Variants in SH3TC1 observed in about 807,000 individuals in gnomAD.
SH3TC1 encodes SH3 domain and tetratricopeptide repeat-containing protein 1.
A neutral mutation model predicts 117.3 loss-of-function variants in SH3TC1; 135 were observed. The observed-to-expected ratio is 1.15, with a 90% CI of 1.00 to 1.33. The LOEUF (loss-of-function observed/expected upper bound fraction) is 1.33. Ranked by LOEUF, SH3TC1 falls within the 40% of genes most tolerant of loss-of-function variation. The probability of loss-of-function intolerance (pLI) is 0.00; values close to 1 mark genes in which losing one functional copy is unlikely to be tolerated. For missense variants in SH3TC1, 2,092 were observed against 1,794.3 expected, an observed-to-expected ratio of 1.17 and a Z score of -3.00; for synonymous variants, 898 against 816.9, an observed-to-expected ratio of 1.10 and a Z score of -1.69.
At chr4:8,208,369 C>CTTTTTTTT (rs151217437) in intron 2 of SH3TC1, among the ~76,000 whole-genome samples, 1 of 140,730 alleles carries the variant, frequency 7.1e-6, no homozygotes. Context: ...ACATTTCTTT[C>CTTTTTTTT]TTTTTTTTTA....
chr4:8,218,395 G>T, intron 8 of SH3TC1, 48 bp downstream of exon 8: 1 of 1,429,826 alleles, frequency 7.0e-7, no homozygotes, highest in South Asian at 1.2e-5. Context: ...GTGTGTGCTA[G>T]GGAGCAGCAC....
At chr4:8,187,540 T>G (rs1717264757) in intron 1 of SH3TC1, among the ~76,000 whole-genome samples, 1 of 151,644 alleles carries the variant, frequency 6.6e-6, no homozygotes, top group African/African-American at 2.4e-5. Context: ...TACATATTTG[T>G]TTTCTTTTCT....
intron 5 of SH3TC1, among the ~76,000 whole-genome samples, chr4:8,215,640 G>A (rs895984058): frequency 7.9e-5 from 12 of 152,174 alleles, no homozygotes; most frequent in African/African-American, 2.7e-4. Context: ...TGCGGTGAAC[G>A]AAGGCTCACT....
intron 3 of SH3TC1, 150 bp from the exon 4 acceptor site, chr4:8,212,551 C>A: frequency 1.8e-6 from 2 of 1,085,766 alleles, no homozygotes; most frequent in Non-Finnish European, 1.3e-6. Context: ...AGGTTGAGAT[C>A]TAAACCCGGG....
chr4:8,238,920 CTTCCCACAGGGAGGCCCCCTCGGAA>C (rs1722071401), intron 17 of SH3TC1, among the ~76,000 whole-genome samples: 5 of 152,158 alleles, frequency 3.3e-5, no homozygotes, highest in Admixed American at 2.6e-4. Flanking sequence ...CGCAGGCCAG[CTTCCCACAGGGAGGCCCCCTCGGAA>C]TTCCCCCAGG....
At position 8,206,631 on chromosome 4, in the gene SH3TC1, G is replaced by A. The variant is rs949862844; in HGVS notation, c.172+1265G>A. Among the ~76,000 whole-genome samples, 1 of 152,038 alleles carries A rather than the reference G, an allele frequency of 6.6e-6. No homozygotes were observed. The highest frequency in any genetic ancestry group is 2.4e-5 in the African/African-American group (1 of 41,404). Reference sequence around the variant, plus strand: ...ATCTCTGTGGACCGAGCGGAGGGGAGCTGAGGAAACTTTCCCTGCTTGGCC... The same window carrying A: ...ATCTCTGTGGACCGAGCGGAGGGGAACTGAGGAAACTTTCCCTGCTTGGCC... On this transcript the variant is annotated intron_variant, in intron 2 of 17. Coordinates refer to ENST00000245105, the MANE Select transcript of SH3TC1 (RefSeq NM_018986.5). This position sits in a 1 kb window ranked among gnomAD's most constrained non-coding sequence, Gnocchi z 5.5.
At chr4:8,218,116 ATGTG>A (rs58534598) in intron 7 of SH3TC1, 151 bp from the exon 8 acceptor site, 179 of 474,466 alleles carry the variant, frequency 3.8e-4, no homozygotes, top group South Asian at 9.3e-4. Context: ...CTGGGCAGGC[ATGTG>A]TGTGTGTGTG....
chr4:8,234,235 TCACCCATCCATCCATTCACCTGTTTGTC>T (rs1249070641), intron 14 of SH3TC1, among the ~76,000 whole-genome samples: 2 of 147,986 alleles, frequency 1.4e-5, no homozygotes, highest in African/African-American at 2.5e-5. Flanking sequence ...ATCCATCCAT[TCACCCATCCATCCATTCACCTGTTTGTC>T]CACCCATCCA....
In SH3TC1 at chr4:8,209,917, T is replaced by C. The variant is rs1416969720; in HGVS notation, c.247+95T>C. ...GAGTCCAACCCAGGGCTTCTCAAAG[T>C]GTGGCCTCAGACTTCCCACCTTAAA... is the stretch of plus-strand genomic sequence containing the variant. On this transcript the variant is annotated intron_variant, in intron 3 of 17. Transcript: ENST00000245105. The surrounding 1 kb of genome is among the most constrained non-coding windows in gnomAD (Gnocchi z 5.9). The C allele has an allele frequency of 3.9e-6, 5 of 1,291,668 alleles. No homozygotes were observed. Among genetic ancestry groups the C allele is most frequent in the Non-Finnish European group, 4.3e-6 (4 of 927,996 alleles). 80.0% of individuals were successfully genotyped at this position (1,291,668 alleles called of 1,614,324 possible).
intron 7 of SH3TC1, 150 bp from the exon 8 acceptor site, chr4:8,218,115 CATGTGT>C: frequency 3.9e-5 from 19 of 485,884 alleles, no homozygotes; most frequent in Middle Eastern, 3.8e-4. Context: ...CCTGGGCAGG[CATGTGT>C]GTGTGTGTGT....
upstream of SH3TC1, among the ~76,000 whole-genome samples, chr4:8,196,036 G>A (rs938399312): frequency 1.2e-4 from 18 of 152,236 alleles, no homozygotes; most frequent in East Asian, 3.8e-4. The surrounding 1 kb of genome is among the most constrained non-coding windows in gnomAD (Gnocchi z 4.6). Flanking sequence ...CCTGCCTGTC[G>A]AGCGCAGCCC....
At chr4:8,219,566 AC>A in intron 9 of SH3TC1, 36 bp downstream of exon 9, 1 of 1,453,556 alleles carries the variant, frequency 6.9e-7, no homozygotes. Context: ...TCCTGAACCC[AC>A]CCCCATCTCA....
At position 8,218,340 on chromosome 4, in the gene SH3TC1, G is replaced by A. The variant is rs199605281; in HGVS notation, c.909G>A (p.Pro303=). Reference sequence around the variant, plus strand: ...GTGGCCCTGTGATGCCCGGCAACCCGCTGATGGGTAAGTGTTTCCATGGGC... The same window carrying A: ...GTGGCCCTGTGATGCCCGGCAACCCACTGATGGGTAAGTGTTTCCATGGGC... ...AMGGPVMPGN[P]LMAVGLASAL... The change falls in exon 8 of 18, where the codon CCG becomes CCA. Residue 303 remains proline, a synonymous_variant. Transcript: ENST00000245105. The A allele has an allele frequency of 1.2e-5, 20 of 1,609,872 alleles. No individual in the cohort carries two copies. The highest frequency in any genetic ancestry group is 3.3e-5 in the Admixed American group (2 of 59,888).
In SH3TC1 at chr4:8,209,618, T is replaced by C; in HGVS notation, c.173-130T>C. ...TGGGGAGACTGGAGGAAGGCAGCTG[T>C]GGGAAAGGCGGCTCGTGCGGGACAG... On this transcript the variant is annotated intron_variant, in intron 2 of 17. Coordinates refer to ENST00000245105, the MANE Select transcript of SH3TC1 (RefSeq NM_018986.5). The surrounding 1 kb of genome is among the most constrained non-coding windows in gnomAD (Gnocchi z 5.9). The C allele has an allele frequency of 1.9e-6, 3 of 1,539,488 alleles. No individual in the cohort carries two copies. The highest frequency in any genetic ancestry group is 2.6e-6 in the Non-Finnish European group (3 of 1,146,206).
chr4:8,216,003 C>T, intron 5 of SH3TC1, 108 bp from the exon 6 acceptor site: 3 of 1,375,112 alleles, frequency 2.2e-6, no homozygotes, highest in South Asian at 1.4e-5. Context: ...TCCATGGTCT[C>T]CCTGGACCTG....
In SH3TC1 at chr4:8,183,708, G is replaced by C. The variant is rs184555969; in HGVS notation, c.-57+1498G>C. 4.6e-5 allele frequency among the ~76,000 whole-genome samples: 7 copies of C among 152,272 alleles called. No individual in the cohort carries two copies. The highest frequency in any genetic ancestry group is 4.6e-4 in the Admixed American group (7 of 15,302). On this transcript the variant is annotated intron_variant, in intron 1 of 16. Coordinates refer to the SH3TC1 transcript ENST00000508641. This position sits in a 1 kb window ranked among gnomAD's most constrained non-coding sequence, Gnocchi z 5.4. ...CCCCACCCAGCGGCCTCTATGATTAGCATCTCACCTTGGTATGGTACATTT... is the reference window on the plus strand; with the variant it reads ...CCCCACCCAGCGGCCTCTATGATTACCATCTCACCTTGGTATGGTACATTT...
chr4:8,207,229 A>C (rs1239450954), intron 2 of SH3TC1, among the ~76,000 whole-genome samples: 1 of 152,114 alleles, frequency 6.6e-6, no homozygotes, highest in African/African-American at 2.4e-5. Context: ...TGCAGCTACT[A>C]TTTCTTCACG....
At chr4:8,199,713 C>T (rs532535605) in intron 1 of SH3TC1, among the ~76,000 whole-genome samples, 68 of 152,302 alleles carry the variant, frequency 4.5e-4, no homozygotes, top group African/African-American at 1.6e-3. Context: ...CATGAGCGGC[C>T]CTGGGGGTCT....
Position 8,234,568 on chromosome 4 carries a change from TATCCATCCATCCACCCATCCATCCATCC to T in SH3TC1, c.3283-854_3283-827del, listed in dbSNP as rs1018682675. On this transcript the variant is annotated intron_variant, in intron 14 of 17. Transcript: ENST00000245105. ...CCACCTATACATCTGCTCATCCATT[TATCCATCCATCCACCCATCCATCCATCC>T]ATCCATCCATGTACCTATACATCTG... is the stretch of plus-strand genomic sequence containing the variant. Among the ~76,000 whole-genome samples, 9 of 149,436 alleles carry T rather than the reference TATCCATCCATCCACCCATCCATCCATCC, an allele frequency of 6.0e-5. No homozygotes were observed. In the East Asian group the frequency reaches 1.2e-3, roughly 20 times the overall value.
Sources: allele counts gnomAD v4.1 joint callset (sites outside exome capture counted in the v4.1 genomes callset), GRCh38; gene constraint gnomAD v4.1.1; non-coding constraint Gnocchi (gnomAD v3.1); transcripts MANE v1.5; gene names NCBI Gene and HGNC (gene_info 2026-07-23, HGNC 2026-07-21).